SMPD4: variants seen among roughly 807,000 people sequenced by gnomAD.
The protein encoded by SMPD4 is neutral sphingomyelinase 3.
Under a neutral mutation model 97.8 loss-of-function variants are expected in SMPD4, and 58 were observed. The ratio of observed to expected loss-of-function variants is 0.59; its 90% CI spans 0.48 to 0.74. The LOEUF (loss-of-function observed/expected upper bound fraction) is 0.74. Ranked by LOEUF, SMPD4 falls within the 30% of genes least tolerant of loss-of-function variation. The probability of loss-of-function intolerance (pLI) is 0.00; values close to 1 mark genes in which losing one functional copy is unlikely to be tolerated. For synonymous variants in SMPD4, 388 were observed against 450.0 expected (o/e 0.86, Z 1.74); for missense variants, 853 against 1,080.5 (o/e 0.79, Z 2.95).
At chr2:130,170,369 C>G (rs531667051) in intron 8 of SMPD4, among the ~76,000 whole-genome samples, 38 of 147,476 alleles carry the variant, frequency 2.6e-4, no homozygotes, top group African/African-American at 9.7e-4. Context: ...CACCTGTAGT[C>G]CCAGCTACTT....
chr2:130,154,562 C>A, intron 15 of SMPD4, 80 bp from the exon 16 acceptor site: 1 of 1,542,988 alleles, frequency 6.5e-7, no homozygotes, highest in Non-Finnish European at 8.8e-7. Context: ...TCTGGGGTGT[C>A]TCTGAGGTGT....
chr2:130,164,431 C>T lies in SMPD4; in HGVS notation c.807G>A (p.Met269Ile). The change falls in exon 10 of 20, where the codon ATG (methionine) becomes ATA (isoleucine). Residue 269 changes from methionine (M) to isoleucine (I), a missense_variant. This residue lies in a region of SMPD4 where 313 missense variants were observed against 402.2 expected (regional missense o/e 0.78). Transcript: ENST00000680298. ...SETLLQVFVE[M>I]WLHHYSLEMY... ...TCTCCAAGGAATAGTGATGAAGCCACATTTCAACAAAAACCTGCAAAAAAG... is the reference window on the plus strand; with the variant it reads ...TCTCCAAGGAATAGTGATGAAGCCATATTTCAACAAAAACCTGCAAAAAAG... 1.2e-6 allele frequency: 2 copies of T among 1,614,128 alleles called. No homozygotes were observed. The highest frequency in any genetic ancestry group is 1.7e-6 in the Non-Finnish European group (2 of 1,179,994).
At position 130,172,835 on chromosome 2, in the gene SMPD4, T is replaced by C; in HGVS notation, c.406A>G (p.Lys136Glu). 1.2e-6 allele frequency: 2 copies of C among 1,614,002 alleles called. No homozygotes were observed. Among genetic ancestry groups the C allele is most frequent in the Non-Finnish European group, 1.7e-6 (2 of 1,179,992 alleles). ...CCCCCAGTAGGGGTGAACTGGACCT[T>C]GTTGTGGTACAGAGGACTGTCAGGG... ...ILPDSPLYHN[K>E]VQFTPTGGLG... Residue 136 changes from lysine (K) to glutamate (E), a missense_variant, in exon 6 of 20, where the codon AAG (lysine) becomes GAG (glutamate). Lys to Glu is a moderately conservative substitution (Grantham distance 56). This residue lies in a region of SMPD4 where 313 missense variants were observed against 402.2 expected (regional missense o/e 0.78). Transcript: ENST00000680298.
chr2:130,155,823 A>T (rs1400135524), intron 14 of SMPD4, among the ~76,000 whole-genome samples: 1 of 152,100 alleles, frequency 6.6e-6, no homozygotes, highest in Non-Finnish European at 1.5e-5. Context: ...CACAGCTTCC[A>T]TAAGAAACCA....
chr2:130,160,885 A>G (rs13427291), intron 11 of SMPD4, among the ~76,000 whole-genome samples: 67,326 of 151,714 alleles, frequency 0.44, 15,710 homozygotes, highest in African/African-American at 0.59. Context: ...GCCAAGCACG[A>G]GGCCTCCAAC....
rs1173151307 is a variant in SMPD4, at chr2:130,181,534, G to A, written c.-50C>T. On this transcript the variant is annotated 5_prime_UTR_variant, in exon 1 of 20. Coordinates refer to ENST00000680298, the MANE Select transcript of SMPD4 (RefSeq NM_017951.5). ...CGCGCATCCCGCGCCACTCACCTGT[G>A]GGATCCATAGCGTCGCTCGCCTCAG... is the stretch of plus-strand genomic sequence containing the variant. The A allele has an allele frequency of 1.9e-6, 3 of 1,604,444 alleles. No individual in the cohort carries two copies. Among genetic ancestry groups the A allele is most frequent in the East Asian group, 2.2e-5 (1 of 44,490 alleles).
intron 8 of SMPD4, among the ~76,000 whole-genome samples, chr2:130,170,053 A>G (rs1688297964): frequency 6.6e-6 from 1 of 151,858 alleles, no homozygotes; most frequent in Non-Finnish European, 1.5e-5. Flanking sequence ...AAAAAAAAAA[A>G]GTTAAATTAG....
chr2:130,181,743 G>C, upstream of SMPD4: 1 of 1,548,552 alleles, frequency 6.5e-7, no homozygotes, highest in Non-Finnish European at 8.7e-7. Context: ...GTGCGGGGGA[G>C]GGAGTGGTCC....
intron 11 of SMPD4, among the ~76,000 whole-genome samples, chr2:130,160,579 G>A (rs1687295995): frequency 6.6e-6 from 1 of 152,232 alleles, no homozygotes; most frequent in Non-Finnish European, 1.5e-5. Context: ...CTGGAGGTGT[G>A]TATGAGCGGC....
intron 4 of SMPD4, 65 bp downstream of exon 4, chr2:130,173,449 G>A (rs1688667326): frequency 6.3e-7 from 1 of 1,589,882 alleles, no homozygotes; most frequent in Non-Finnish European, 8.6e-7. Flanking sequence ...AATTCAGAGA[G>A]TGCTTTAAAG....
chr2:130,167,613 C>A, intron 8 of SMPD4, 23 bp from the exon 9 acceptor site: 1 of 1,577,106 alleles, frequency 6.3e-7, no homozygotes, highest in Non-Finnish European at 8.6e-7. Flanking sequence ...CAGAAACAGG[C>A]CCGAGTTACA....
intron 9 of SMPD4, among the ~76,000 whole-genome samples, chr2:130,166,021 T>C (rs1258681032): frequency 6.6e-6 from 1 of 151,188 alleles, no homozygotes; most frequent in Non-Finnish European, 1.5e-5. Flanking sequence ...ATTTTTTTCT[T>C]AGTTAAAAAA....
chr2:130,173,945 G>A (rs1219482644), intron 3 of SMPD4, among the ~76,000 whole-genome samples: 4 of 147,372 alleles, frequency 2.7e-5, no homozygotes, highest in Non-Finnish European at 6.0e-5. Context: ...TGTGATAGAA[G>A]ATTAAATTAA....
rs1487099321 is a variant in SMPD4, at chr2:130,153,131, C to T, written c.2066G>A (p.Gly689Glu). Residue 689 changes from glycine to glutamate, a missense_variant, in exon 19 of 20, where the codon GGG becomes GAG. Physicochemically the swap from Gly to Glu is moderately conservative, Grantham distance 98. Around this residue, in one of 3 missense-constraint regions of SMPD4, gnomAD observed 511 missense variants for 608.1 expected, o/e 0.84. Transcript: ENST00000680298. ...CCGGATGGGCTGCAGCTCCGGGTCCCCCTGGTACTCAATTTCAAACCTTCG... is the reference window on the plus strand; with the variant it reads ...CCGGATGGGCTGCAGCTCCGGGTCCTCCTGGTACTCAATTTCAAACCTTCG... ...GLRRFEIEYQGDPELQPIRSY... is the reference protein window; with the variant it reads ...GLRRFEIEYQEDPELQPIRSY... 4 of 1,613,764 alleles carry T rather than the reference C, an allele frequency of 2.5e-6. No individual in the cohort carries two copies. The highest frequency in any genetic ancestry group is 1.7e-5 in the Admixed American group (1 of 59,982).
At chr2:130,181,649 T>C, upstream of SMPD4, 10 of 1,553,496 alleles carry the variant, frequency 6.4e-6, no homozygotes, top group Non-Finnish European at 8.7e-6. Context: ...GAAAAGCGCT[T>C]CCACCTCTTT....
intron 5 of SMPD4, 42 bp from the exon 6 acceptor site, chr2:130,172,937 C>G: frequency 2.5e-6 from 4 of 1,578,274 alleles, no homozygotes; most frequent in Non-Finnish European, 3.4e-6. Flanking sequence ...GGTGCTGGTG[C>G]GTAGTGCCCG....
chr2:130,168,314 C>G (rs140970031), intron 8 of SMPD4, among the ~76,000 whole-genome samples: 2 of 152,190 alleles, frequency 1.3e-5, no homozygotes, highest in African/African-American at 4.8e-5. Context: ...GTCCCAGATA[C>G]TTGGGGGGTT....
chr2:130,156,327 C>G, intron 13 of SMPD4, 192 bp from the exon 14 acceptor site: 1 of 670,072 alleles, frequency 1.5e-6, no homozygotes, highest in East Asian at 2.7e-5. Context: ...GGGCTTTTCC[C>G]AGCCCAGGGG....
Position 130,155,215 on chromosome 2 carries a change from A to G in SMPD4, c.1334T>C (p.Phe445Ser), listed in dbSNP as rs755745597. 1.5e-5 allele frequency: 25 copies of G among 1,614,014 alleles called. No homozygotes were observed. Among genetic ancestry groups the G allele is most frequent in the African/African-American group, 2.7e-5 (2 of 74,944 alleles). Residue 445 changes from phenylalanine (F) to serine (S), a missense_variant, in exon 15 of 20, where the codon TTT becomes TCT. By Grantham distance (155) the Phe-to-Ser change is radical. Transcript: ENST00000680298. ...GAGCGCGCGGTTCAGAAAGCCCACAAACAACTTGGTGTACATCAGCAGGTT... is the reference window on the plus strand; with the variant it reads ...GAGCGCGCGGTTCAGAAAGCCCACAGACAACTTGGTGTACATCAGCAGGTT... ...QENLLMYTKL[F>S]VGFLNRALRT...
Sources: gnomAD v4.1 joint callset for allele counts (sites outside exome capture counted in the v4.1 genomes callset) on GRCh38, gnomAD v4.1.1 for gene constraint, gnomAD v4.1.1 regional missense constraint, MANE v1.5 for transcripts, NCBI Gene and HGNC (gene_info 2026-07-23, HGNC 2026-07-21) for gene names.